Variants in ARID3B observed in about 807,000 individuals in gnomAD.
The protein encoded by ARID3B is AT-rich interactive domain-containing protein 3B.
ARID3B carries 10 observed loss-of-function variants against 51.9 expected under a neutral mutation model. The observed-to-expected ratio is 0.19, with a 90% confidence interval of 0.12 to 0.33. The LOEUF is 0.33. Ranked by LOEUF, ARID3B falls within the 10% of genes least tolerant of loss-of-function variation. The probability of loss-of-function intolerance (pLI) is 1.00; values close to 1 mark genes in which losing one functional copy is unlikely to be tolerated. For synonymous variants in ARID3B, 205 were observed against 279.5 expected (o/e 0.73, Z 2.66); for missense variants, 483 against 716.3 (o/e 0.67, Z 3.72).
At chr15:74,546,200 G>A (rs780178195) in intron 2 of ARID3B, among the ~76,000 whole-genome samples, 20 of 152,194 alleles carry the variant, frequency 1.3e-4, no homozygotes, top group Admixed American at 2.6e-4. Context: ...GCCCAGACCC[G>A]CCTCCCACTG....
chr15:74,569,691 A>C (rs1023126557), intron 2 of ARID3B, among the ~76,000 whole-genome samples: 1 of 152,214 alleles, frequency 6.6e-6, no homozygotes. Context: ...CAGACGAGTA[A>C]CTGAACACAG....
intron 4 of ARID3B, among the ~76,000 whole-genome samples, chr15:74,587,963 C>G (rs983455827): frequency 6.6e-6 from 1 of 152,172 alleles, no homozygotes; most frequent in Non-Finnish European, 1.5e-5. Flanking sequence ...AGGCCTAAGC[C>G]AGGTGCTGTG....
chr15:74,597,397 A>G lies in ARID3B; in HGVS notation c.*1623A>G. 1 of 446,700 alleles carries G rather than the reference A, an allele frequency of 2.2e-6. No individual in the cohort carries two copies. Among genetic ancestry groups the G allele is most frequent in the Non-Finnish European group, 4.2e-6 (1 of 235,358 alleles). The allele number at this position is 446,700 out of a possible 1,614,324, so 27.7% of individuals were successfully genotyped here. A position where few individuals can be genotyped will look rare whatever the true frequency, so the allele number is the denominator to read the frequency against. ...CGCATTCAGTCCTGTGTAGGAGAGG[A>G]AAGGGAATCAAAAGCTTGAGCACAA... On this transcript the variant is annotated 3_prime_UTR_variant, in exon 9 of 9. Coordinates refer to ENST00000346246, the MANE Select transcript of ARID3B (RefSeq NM_006465.4).
At chr15:74,544,521 C>A in intron 2 of ARID3B, 33 bp downstream of exon 2, 1 of 1,590,610 alleles carries the variant, frequency 6.3e-7, no homozygotes, top group South Asian at 1.2e-5. Context: ...GTCATTTGGT[C>A]TTCCTGAAGG....
chr15:74,560,227 AT>A (rs1402814635), intron 2 of ARID3B, among the ~76,000 whole-genome samples: 1 of 151,640 alleles, frequency 6.6e-6, no homozygotes, highest in Non-Finnish European at 1.5e-5. Flanking sequence ...TTTATATACA[AT>A]TTTGTGCTTA....
At position 74,543,886 on chromosome 15, in the gene ARID3B, T is replaced by C; in HGVS notation, c.-51T>C. On this transcript the variant is annotated 5_prime_UTR_variant, in exon 2 of 9. Transcript: ENST00000346246. Reference sequence around the variant, plus strand: ...TTTAGACCCAGTGTGCCTGGTGGGCTGTGCCCAGGTTCAGAGTCATGCCAC... The same window carrying C: ...TTTAGACCCAGTGTGCCTGGTGGGCCGTGCCCAGGTTCAGAGTCATGCCAC... 1 of 1,559,728 alleles carries C rather than the reference T, an allele frequency of 6.4e-7. No homozygotes were observed. Among genetic ancestry groups the C allele is most frequent in the Admixed American group, 1.9e-5 (1 of 53,232 alleles).
chr15:74,587,939 C>T (rs1439283666), intron 4 of ARID3B, among the ~76,000 whole-genome samples: 1 of 152,160 alleles, frequency 6.6e-6, no homozygotes, highest in Non-Finnish European at 1.5e-5. Flanking sequence ...ACCCCCTCCC[C>T]ACACTTAGGA....
In ARID3B at chr15:74,597,247, A is replaced by G. The variant is rs1001185072; in HGVS notation, c.*1473A>G. On this transcript the variant is annotated 3_prime_UTR_variant, in exon 9 of 9. Coordinates refer to ENST00000346246, the MANE Select transcript of ARID3B (RefSeq NM_006465.4). Reference sequence around the variant, plus strand: ...AGCTCCTGTGCTGTAAAGAAAATTGATTCGCTTGCGGCTCACCTCAGTCGA... The same window carrying G: ...AGCTCCTGTGCTGTAAAGAAAATTGGTTCGCTTGCGGCTCACCTCAGTCGA... 2.7e-6 allele frequency: 1 copy of G among 375,850 alleles called. No individual in the cohort carries two copies. Among genetic ancestry groups the G allele is most frequent in the Non-Finnish European group, 5.0e-6 (1 of 201,392 alleles). The allele number at this position is 375,850 out of a possible 1,614,324, so 23.3% of individuals were successfully genotyped here.
chr15:74,550,389 T>A (rs1034609607), intron 2 of ARID3B, among the ~76,000 whole-genome samples: 3 of 152,042 alleles, frequency 2.0e-5, no homozygotes, highest in African/African-American at 7.2e-5. Flanking sequence ...AGCCAGAGGA[T>A]GTGGATTAAG....
chr15:74,588,529 G>A (rs1340724335), intron 4 of ARID3B, among the ~76,000 whole-genome samples: 2 of 152,160 alleles, frequency 1.3e-5, no homozygotes, highest in Admixed American at 6.5e-5. Flanking sequence ...AGTAGTCTGT[G>A]TACAGTAAAA....
Position 74,598,092 on chromosome 15 carries a change from G to A in ARID3B, c.*2318G>A, listed in dbSNP as rs950014795. 7.9e-6 allele frequency: 4 copies of A among 508,358 alleles called. No homozygotes were observed. The highest frequency in any genetic ancestry group is 4.6e-5 in the Admixed American group (2 of 43,426). 31.5% of individuals were successfully genotyped at this position (508,358 alleles called of 1,614,324 possible). A position where few individuals can be genotyped will look rare whatever the true frequency, so the allele number is the denominator to read the frequency against. On this transcript the variant is annotated 3_prime_UTR_variant, in exon 9 of 9. Coordinates refer to ENST00000346246, the MANE Select transcript of ARID3B (RefSeq NM_006465.4). ...GTTATTTTCTATCTTACATGTTCTC[G>A]AATGTTTATATTTCAATAAACCTCT...
chr15:74,566,060 A>G (rs1200800181), intron 2 of ARID3B, among the ~76,000 whole-genome samples: 1 of 151,914 alleles, frequency 6.6e-6, no homozygotes, highest in African/African-American at 2.4e-5. Context: ...TCATCCCCTC[A>G]ATCCAGATCC....
intron 2 of ARID3B, among the ~76,000 whole-genome samples, chr15:74,555,046 T>G (rs190528317): frequency 6.6e-6 from 1 of 152,322 alleles, no homozygotes; most frequent in African/African-American, 2.4e-5. Context: ...GAGATGCTAA[T>G]TACCCTGATC....
intron 2 of ARID3B, among the ~76,000 whole-genome samples, chr15:74,568,676 A>G (rs992205689): frequency 6.6e-6 from 1 of 152,112 alleles, no homozygotes; most frequent in South Asian, 2.1e-4. Context: ...AGCCAAAGCT[A>G]GTCTTGGGTG....
chr15:74,565,734 G>GT (rs76265427), intron 2 of ARID3B, among the ~76,000 whole-genome samples: 6,599 of 140,316 alleles, frequency 0.047, 153 homozygotes, highest in Middle Eastern at 0.13. Flanking sequence ...TGTTTTTTTT[G>GT]TTTTTTTTTT....
At chr15:74,586,066 C>T (rs1299585350) in intron 4 of ARID3B, among the ~76,000 whole-genome samples, 1 of 152,218 alleles carries the variant, frequency 6.6e-6, no homozygotes, top group Non-Finnish European at 1.5e-5. Flanking sequence ...ATCTCCAGAA[C>T]CAGGGTGCCT....
At chr15:74,576,537 A>C (rs752705503) in intron 4 of ARID3B, among the ~76,000 whole-genome samples, 15 of 152,022 alleles carry the variant, frequency 9.9e-5, no homozygotes, top group Non-Finnish European at 1.5e-4. Context: ...GCATGCCTGT[A>C]GTCCCAAGCT....
chr15:74,546,361 T>C (rs1488206511), intron 2 of ARID3B, among the ~76,000 whole-genome samples: 3 of 152,204 alleles, frequency 2.0e-5, no homozygotes, highest in African/African-American at 7.2e-5. Flanking sequence ...GCGGCTGGGC[T>C]GCCCCCGCCT....
At chr15:74,553,740 TA>T (rs1339954992) in intron 2 of ARID3B, among the ~76,000 whole-genome samples, 1 of 152,172 alleles carries the variant, frequency 6.6e-6, no homozygotes, top group Non-Finnish European at 1.5e-5. Context: ...TCCATTTCAT[TA>T]TAAGGATTAG....
Sources: allele counts gnomAD v4.1 joint callset (sites outside exome capture counted in the v4.1 genomes callset), GRCh38; gene constraint gnomAD v4.1.1; transcripts MANE v1.5; gene names NCBI Gene and HGNC (gene_info 2026-07-23, HGNC 2026-07-21).